The following RBFOX3 variants were observed in gnomAD, a reference collection of about 807,000 sequenced individuals.
RBFOX3 encodes the protein RNA binding fox-1 homolog 3, also known as RNA binding protein fox-1 homolog 3.
In RBFOX3, 17 loss-of-function variants were observed where a neutral mutation model predicts 48.7. The observed-to-expected ratio is 0.35, with a 90% CI of 0.24 to 0.52. The LOEUF (loss-of-function observed/expected upper bound fraction) is 0.52, where lower values mean the gene tolerates loss of function less well. Among genes scored for constraint, RBFOX3 ranks in the 20% least tolerant of loss-of-function variants. The pLI, the probability that RBFOX3 is intolerant of heterozygous loss-of-function variation, is 0.94. For synonymous variants in RBFOX3, 212 were observed against 209.5 expected, an observed-to-expected ratio of 1.01 and a Z score of -0.10; for missense variants, 382 against 497.5, an observed-to-expected ratio of 0.77 and a Z score of 2.21.
At chr17:79,310,130 C>G (rs2076646550) in intron 2 of RBFOX3, among the ~76,000 whole-genome samples, 1 of 152,172 alleles carries the variant, frequency 6.6e-6, no homozygotes, top group South Asian at 2.1e-4. Context: ...CACAGCTACC[C>G]CGGACGCGGT....
chr17:79,517,387 G>C (rs1238376758), intron 1 of RBFOX3, among the ~76,000 whole-genome samples: 1 of 151,056 alleles, frequency 6.6e-6, no homozygotes, highest in Non-Finnish European at 1.5e-5. Flanking sequence ...GGAGGTTGCA[G>C]GGAGCCAAGA....
chr17:79,108,120 C>T (rs934058644), intron 5 of RBFOX3, among the ~76,000 whole-genome samples: 6 of 152,236 alleles, frequency 3.9e-5, no homozygotes, highest in Admixed American at 2.0e-4. Context: ...CTGACACTCC[C>T]AGTGGACAGC....
chr17:79,524,939 C>T (rs1042706501), intron 1 of RBFOX3, among the ~76,000 whole-genome samples: 9 of 152,148 alleles, frequency 5.9e-5, no homozygotes, highest in Non-Finnish European at 1.2e-4. Flanking sequence ...TCTGTCCCAC[C>T]GAGTGCTTAA....
chr17:79,564,391 C>A (rs2092375347), intron 1 of RBFOX3, among the ~76,000 whole-genome samples: 1 of 152,186 alleles, frequency 6.6e-6, no homozygotes, highest in Non-Finnish European at 1.5e-5. Context: ...TCACCTATTA[C>A]CTTGGTGAAG....
intron 2 of RBFOX3, among the ~76,000 whole-genome samples, chr17:79,372,537 C>T (rs2058704511): frequency 6.6e-6 from 1 of 151,948 alleles, no homozygotes; most frequent in African/African-American, 2.4e-5. Context: ...GGCTCCCACC[C>T]CTGCGGGTCT....
At position 79,362,848 on chromosome 17, in the gene RBFOX3, C is replaced by T. The variant is rs12603709; in HGVS notation, c.-174-55024G>A. 0.11 allele frequency among the ~76,000 whole-genome samples: 16,013 copies of T among 152,158 alleles called. 961 individuals carry two copies. The highest frequency in any genetic ancestry group is 0.2 in the East Asian group (1,056 of 5,158). ...GGAACATCAGACAACCCTGAACGCC[C>T]GGCTCTGTGTGCAGACCTCATTCTC... is the stretch of plus-strand genomic sequence containing the variant. On this transcript the variant is annotated intron_variant, in intron 2 of 14. Coordinates refer to ENST00000693108, the MANE Select transcript of RBFOX3 (RefSeq NM_001350451.2). The surrounding 1 kb of genome is among the most constrained non-coding windows in gnomAD (Gnocchi z 4.2).
chr17:79,497,688 G>A (rs2081754953), intron 1 of RBFOX3, among the ~76,000 whole-genome samples: 1 of 152,196 alleles, frequency 6.6e-6, no homozygotes, highest in African/African-American at 2.4e-5. Flanking sequence ...TAAGGTGCCA[G>A]GTAGGGATGG....
chr17:79,430,799 C>T, intron 2 of RBFOX3, among the ~76,000 whole-genome samples: 1 of 152,236 alleles, frequency 6.6e-6, no homozygotes, highest in Admixed American at 6.5e-5. Context: ...CCCGCCTCGG[C>T]CTCCCAAAGT....
intron 1 of RBFOX3, among the ~76,000 whole-genome samples, chr17:79,491,035 A>G (rs1286615660): frequency 1.2e-5 from 1 of 83,994 alleles, no homozygotes; most frequent in Non-Finnish European, 2.4e-5. Flanking sequence ...CGGAGAGGAG[A>G]GGGGAGGGGA....
rs1239241088 is a variant in RBFOX3 at position 79,473,389 on chromosome 17, T to C, written c.-175+9065A>G. 5.9e-5 allele frequency among the ~76,000 whole-genome samples: 9 copies of C among 152,198 alleles called. No homozygotes were observed. Among genetic ancestry groups the C allele is most frequent in the African/African-American group, 1.9e-4 (8 of 41,440 alleles). ...CCTCACAGAGCCCGAGTTGGAACTG[T>C]TGTGAGGATTCACGATGATTCATAT... On this transcript the variant is annotated intron_variant, in intron 2 of 14. Transcript: ENST00000693108. This position sits in a 1 kb window ranked among gnomAD's most constrained non-coding sequence, Gnocchi z 4.2.
At position 79,175,543 on chromosome 17, in the gene RBFOX3, A is replaced by G. The variant is rs151097585; in HGVS notation, c.-33-59795T>C. On this transcript the variant is annotated intron_variant, in intron 4 of 14. Transcript: ENST00000693108. ...GCGTGCTGCCCACTGGAGTGTGATG[A>G]AGCAGCCCTCTTCCTGTCTCCAGGC... Among the ~76,000 whole-genome samples, 1,034 of 152,276 alleles carry G rather than the reference A, an allele frequency of 6.8e-3. 10 individuals are homozygous for G. Among genetic ancestry groups the G allele is most frequent in the African/African-American group, 0.024 (978 of 41,568 alleles).
chr17:79,397,571 T>C (rs920145269), intron 2 of RBFOX3, among the ~76,000 whole-genome samples: 3 of 150,758 alleles, frequency 2.0e-5, no homozygotes, highest in Non-Finnish European at 4.4e-5. Context: ...ATACCTCATT[T>C]CCCATCAAAA....
rs765558182 is a variant in RBFOX3, at chr17:79,198,322, G to A, written c.-34+37444C>T. Among the ~76,000 whole-genome samples, 3 of 152,200 alleles carry A rather than the reference G, an allele frequency of 2.0e-5. No individual in the cohort carries two copies. The highest frequency in any genetic ancestry group is 2.9e-5 in the Non-Finnish European group (2 of 68,038). On this transcript the variant is annotated intron_variant, in intron 4 of 14. Transcript: ENST00000693108. The surrounding 1 kb of genome is among the most constrained non-coding windows in gnomAD (Gnocchi z 8.2). ...GAGGCGACCTTGCAGGCACAGGTGC[G>A]GACAGGAAGGAGAGCCTGCACCTGG...
intron 4 of RBFOX3, among the ~76,000 whole-genome samples, chr17:79,231,116 C>T (rs2060987432): frequency 6.6e-6 from 1 of 152,116 alleles, no homozygotes; most frequent in African/African-American, 2.4e-5. Flanking sequence ...GGTGTACTCC[C>T]TGAGTTGAGG....
At chr17:79,250,503 A>G (rs1346338273) in intron 3 of RBFOX3, among the ~76,000 whole-genome samples, 1 of 151,924 alleles carries the variant, frequency 6.6e-6, no homozygotes, top group African/African-American at 2.4e-5. Context: ...GGGCGCTTAA[A>G]TGAGCCGATC....
At chr17:79,258,635 C>G (rs1468912139) in intron 3 of RBFOX3, among the ~76,000 whole-genome samples, 1 of 152,144 alleles carries the variant, frequency 6.6e-6, no homozygotes, top group African/African-American at 2.4e-5. Flanking sequence ...GAGGGTGGGA[C>G]AGGGAACGTG....
intron 5 of RBFOX3, among the ~76,000 whole-genome samples, chr17:79,108,757 C>T (rs1471946126): frequency 5.3e-5 from 8 of 152,292 alleles, no homozygotes; most frequent in South Asian, 4.2e-4. Flanking sequence ...CAGCAGGTGC[C>T]GCTAGGTGAC....
Position 79,417,986 on chromosome 17 carries a change from G to A in RBFOX3, c.-175+64468C>T, listed in dbSNP as rs1363414300. On this transcript the variant is annotated intron_variant, in intron 2 of 14. Transcript: ENST00000693108. ...TCACAACAGGACAAATCCTGTGTGA[G>A]TCCACTCATGTGAGGTCCTTAGAGT... is the stretch of plus-strand genomic sequence containing the variant. Among the ~76,000 whole-genome samples, 5 of 152,316 alleles carry A rather than the reference G, an allele frequency of 3.3e-5. No homozygotes were observed. In the East Asian group the frequency reaches 7.7e-4, roughly 24 times the overall value.
intron 2 of RBFOX3, among the ~76,000 whole-genome samples, chr17:79,427,041 C>G (rs1395481828): frequency 1.9e-4 from 29 of 152,190 alleles, no homozygotes; most frequent in Admixed American, 1.9e-3. Flanking sequence ...TCTGCAGAAG[C>G]AGGGACCTGG....
Sources: gnomAD v4.1 joint callset for allele counts (sites outside exome capture counted in the v4.1 genomes callset) on GRCh38, gnomAD v4.1.1 for gene constraint, Gnocchi (gnomAD v3.1) non-coding constraint, MANE v1.5 for transcripts, NCBI Gene and HGNC (gene_info 2026-07-23, HGNC 2026-07-21) for gene names.